The following RALB variants were observed in gnomAD, a reference collection of about 807,000 sequenced individuals.
RALB encodes the protein RAS like proto-oncogene B.
RALB carries 16 observed loss-of-function variants against 21.3 expected under a neutral mutation model. The observed-to-expected ratio is 0.75, with a 90% CI of 0.51 to 1.14. The LOEUF is 1.14. RALB is among the 50% of genes most tolerant of loss of function. RALB has a pLI of 0.00. For missense variants in RALB, 161 were observed against 256.2 expected (o/e 0.63, Z 2.54); for synonymous variants, 93 against 96.1 (o/e 0.97, Z 0.19).
At chr2:120,274,440 G>A (rs1689743769) in intron 1 of RALB, among the ~76,000 whole-genome samples, 1 of 152,108 alleles carries the variant, frequency 6.6e-6, no homozygotes, top group African/African-American at 2.4e-5. Context: ...AATGTGATCT[G>A]GACTCCTGGC....
At chr2:120,275,563 C>A (rs888145119) in intron 1 of RALB, among the ~76,000 whole-genome samples, 4 of 152,148 alleles carry the variant, frequency 2.6e-5, no homozygotes, top group African/African-American at 9.7e-5. Flanking sequence ...AAGCTCCCTG[C>A]ATGATTCTGT....
Position 120,263,827 on chromosome 2 carries a change from G to T in RALB, c.-48+10847G>T, listed in dbSNP as rs531836245. Among the ~76,000 whole-genome samples, 22 of 147,112 alleles carry T rather than the reference G, an allele frequency of 1.5e-4. No individual in the cohort carries two copies. The East Asian group carries it at 4.3e-3, about 29-fold the overall frequency. On this transcript the variant is annotated intron_variant, in intron 1 of 4. Coordinates refer to ENST00000272519, the MANE Select transcript of RALB (RefSeq NM_002881.3). ...TTATAGGCATGAGCCACTGCGCCTG[G>T]CCTGTCCTATATTTTATTTTATTAT...
chr2:120,251,837 A>C (rs1689062735), upstream of RALB, among the ~76,000 whole-genome samples: 1 of 152,240 alleles, frequency 6.6e-6, no homozygotes, highest in Admixed American at 6.5e-5. Context: ...CTTAAGACTA[A>C]GGTAAAGCTT....
At position 120,292,114 on chromosome 2, in the gene RALB, T is replaced by C. The variant is rs559934625; in HGVS notation, c.502-1027T>C. ...TAGCAGAGGGCAAAACCCAAACTAC[T>C]GTGACAAAAGGATAATCCATATCTA... On this transcript the variant is annotated intron_variant, in intron 4 of 4. Transcript: ENST00000272519. Among the ~76,000 whole-genome samples the C allele has an allele frequency of 2.6e-5, 4 of 152,354 alleles. No homozygotes were observed. The South Asian group carries it at 8.3e-4, about 32-fold the overall frequency.
At chr2:120,245,943 C>T (rs1688962986) in intron 1 of RALB, among the ~76,000 whole-genome samples, 1 of 152,182 alleles carries the variant, frequency 6.6e-6, no homozygotes, top group African/African-American at 2.4e-5. Context: ...CTTTGATCCC[C>T]ACCCCAGAGA....
At chr2:120,272,146 G>C (rs993108218) in intron 1 of RALB, among the ~76,000 whole-genome samples, 3 of 152,150 alleles carry the variant, frequency 2.0e-5, no homozygotes, top group African/African-American at 4.8e-5. Context: ...CTTATAAGAA[G>C]AGGAAGAGAT....
Position 120,286,049 on chromosome 2 carries a change from A to G in RALB, c.290A>G (p.Glu97Gly), listed in dbSNP as rs550286535. 1 of 1,614,102 alleles carries G rather than the reference A, an allele frequency of 6.2e-7. No homozygotes were observed. Among genetic ancestry groups the G allele is most frequent in the South Asian group, 1.1e-5 (1 of 91,080 alleles). ...EGFLLVFSITEHESFTATAEF... is the reference protein window; with the variant it reads ...EGFLLVFSITGHESFTATAEF... The stretch of plus-strand genomic sequence containing the variant: ...TTTCTTCTTGTGTTCTCAATCACAG[A>G]ACATGAATCCTTTACAGCAACTGCC... Residue 97 changes from glutamate (E) to glycine (G), a missense_variant, in exon 3 of 5, where the codon GAA (glutamate) becomes GGA (glycine). Transcript: ENST00000272519.
Position 120,278,651 on chromosome 2 carries a change from A to G in RALB, c.-14A>G. ...TGGGTCATCTGTGTGTCACAGCCTC[A>G]GAAGACCAGCGAGATGGCTGCCAAC... On this transcript the variant is annotated 5_prime_UTR_variant, in exon 2 of 5. Transcript: ENST00000272519. 2 of 1,587,942 alleles carry G rather than the reference A, an allele frequency of 1.3e-6. No individual in the cohort carries two copies. Among genetic ancestry groups the G allele is most frequent in the Non-Finnish European group, 8.6e-7 (1 of 1,166,732 alleles).
chr2:120,277,466 A>AG (rs1436527064), intron 1 of RALB, among the ~76,000 whole-genome samples: 7 of 111,524 alleles, frequency 6.3e-5, no homozygotes, highest in Non-Finnish European at 1.0e-4. Flanking sequence ...TAGAGCATGT[A>AG]TGTGGTGTGA....
intron 1 of RALB, among the ~76,000 whole-genome samples, chr2:120,241,943 A>G (rs1197956439): frequency 1.3e-5 from 2 of 152,202 alleles, no homozygotes; most frequent in African/African-American, 4.8e-5. Context: ...TTGAAAGCAG[A>G]GTCTCAGATA....
At chr2:120,255,890 G>A (rs1424680775) in intron 1 of RALB, among the ~76,000 whole-genome samples, 1 of 151,818 alleles carries the variant, frequency 6.6e-6, no homozygotes, top group Non-Finnish European at 1.5e-5. Context: ...GCTTTTGTCA[G>A]TGCTTTGTGG....
intron 1 of RALB, among the ~76,000 whole-genome samples, chr2:120,259,654 G>A (rs1341432635): frequency 3.3e-5 from 5 of 152,354 alleles, no homozygotes; most frequent in South Asian, 2.1e-4. Context: ...GACTCTCCAC[G>A]TCCCCACCAG....
intron 4 of RALB, among the ~76,000 whole-genome samples, chr2:120,291,153 C>G (rs762819434): frequency 3.9e-5 from 6 of 152,086 alleles, no homozygotes; most frequent in African/African-American, 1.2e-4. Flanking sequence ...AGACGCACTT[C>G]GGCAAGATAC....
chr2:120,283,698 TGGCAGCTTAGAGGAAA>T (rs962360900), intron 2 of RALB, among the ~76,000 whole-genome samples: 1 of 152,254 alleles, frequency 6.6e-6, no homozygotes, highest in Non-Finnish European at 1.5e-5. Flanking sequence ...TTTCAGTCTC[TGGCAGCTTAGAGGAAA>T]GTCAGCTTAG....
intron 1 of RALB, among the ~76,000 whole-genome samples, chr2:120,258,401 G>A (rs944451641): frequency 6.6e-6 from 1 of 152,180 alleles, no homozygotes. Context: ...GATTGGGGGT[G>A]GGGGAGTGTG....
At chr2:120,293,071 A>T in intron 4 of RALB, 70 bp from the exon 5 acceptor site, 2 of 1,471,438 alleles carry the variant, frequency 1.4e-6, no homozygotes, top group South Asian at 1.4e-5. Flanking sequence ...GTGTCAGGTT[A>T]ACAAAAGAAA....
At chr2:120,243,936 C>T (rs924051639) in intron 1 of RALB, among the ~76,000 whole-genome samples, 4 of 152,116 alleles carry the variant, frequency 2.6e-5, no homozygotes, top group East Asian at 1.9e-4. Context: ...AAGAACTACC[C>T]GAGACTGGGT....
intron 1 of RALB, chr2:120,253,765 C>T (rs1489097603): frequency 1.4e-5 from 13 of 959,228 alleles, no homozygotes; most frequent in Non-Finnish European, 1.6e-5. Context: ...TTGTGCCTGG[C>T]GGACTGAATG....
At chr2:120,285,486 G>A (rs559722975) in intron 2 of RALB, among the ~76,000 whole-genome samples, 1 of 152,146 alleles carries the variant, frequency 6.6e-6, no homozygotes, top group South Asian at 2.1e-4. Flanking sequence ...GAGTTAATGG[G>A]TGCAGCACAC....
Sources: allele counts gnomAD v4.1 joint callset (sites outside exome capture counted in the v4.1 genomes callset), GRCh38; gene constraint gnomAD v4.1.1; transcripts MANE v1.5; gene names NCBI Gene and HGNC (gene_info 2026-07-23, HGNC 2026-07-21).